Variants in CNBD1 observed in about 807,000 individuals in gnomAD.
CNBD1 encodes the protein cyclic nucleotide-binding domain-containing protein 1.
In CNBD1, 71 loss-of-function variants were observed where a neutral mutation model predicts 54.4. The ratio of observed to expected loss-of-function variants is 1.30; its 90% CI spans 1.08 to 1.59. The LOEUF is 1.59. Among genes scored for constraint, CNBD1 ranks in the 40% most tolerant of loss-of-function variants. CNBD1 has a pLI of 0.00. For missense variants in CNBD1, 659 were observed against 518.0 expected, an observed-to-expected ratio of 1.27 and a Z score of -2.64; for synonymous variants, 182 against 170.7, an observed-to-expected ratio of 1.07 and a Z score of -0.51.
chr8:86,908,639 C>A (rs1809053946), intron 3 of CNBD1, among the ~76,000 whole-genome samples: 1 of 151,998 alleles, frequency 6.6e-6, no homozygotes, highest in Admixed American at 6.5e-5. Flanking sequence ...TTTTTTCAAA[C>A]AGATTAAACA....
chr8:87,363,606 T>C (rs1185836597), intron 10 of CNBD1, among the ~76,000 whole-genome samples: 1 of 152,110 alleles, frequency 6.6e-6, no homozygotes, highest in African/African-American at 2.4e-5. Context: ...TAATGACCAG[T>C]GATGATGAGC....
At chr8:87,152,262 C>T (rs570329642) in intron 4 of CNBD1, among the ~76,000 whole-genome samples, 1 of 151,978 alleles carries the variant, frequency 6.6e-6, no homozygotes, top group South Asian at 2.1e-4. Context: ...AATAGTAGGG[C>T]TTTGCTAAAG....
chr8:86,882,139 T>C (rs1196439653), intron 1 of CNBD1, among the ~76,000 whole-genome samples: 1 of 152,118 alleles, frequency 6.6e-6, no homozygotes, highest in Non-Finnish European at 1.5e-5. Context: ...ATGATGAAGA[T>C]GCCAAAAGCA....
intron 3 of CNBD1, among the ~76,000 whole-genome samples, chr8:86,907,070 T>C (rs1006962146): frequency 2.0e-5 from 3 of 152,214 alleles, no homozygotes; most frequent in African/African-American, 7.2e-5. Flanking sequence ...ATGATGGCAT[T>C]GGGACTCAGT....
At chr8:87,317,750 T>C (rs1368051304) in intron 8 of CNBD1, among the ~76,000 whole-genome samples, 1 of 151,978 alleles carries the variant, frequency 6.6e-6, no homozygotes, top group African/African-American at 2.4e-5. Flanking sequence ...TTTTATCAAA[T>C]ATTGGGTGGA....
intron 8 of CNBD1, among the ~76,000 whole-genome samples, chr8:87,299,546 T>C (rs572522297): frequency 6.6e-6 from 1 of 152,328 alleles, no homozygotes; most frequent in African/African-American, 2.4e-5. Context: ...CAGTCCTGAA[T>C]TAGATCCAAA....
In CNBD1 at chr8:87,345,896, G is replaced by T. The variant is rs1015060629; in HGVS notation, c.1043-5789G>T. 1.3e-5 allele frequency among the ~76,000 whole-genome samples: 2 copies of T among 152,004 alleles called. 1 individual carries two copies. The highest frequency in any genetic ancestry group is 4.1e-4 in the South Asian group (2 of 4,828). ...GAGTATTTCTACCTTGCATAAAGAG[G>T]TGACTAATTAATTTCTAAATTTTGA... On this transcript the variant is annotated intron_variant, in intron 8 of 10. Coordinates refer to ENST00000518476, the MANE Select transcript of CNBD1 (RefSeq NM_173538.3).
intron 8 of CNBD1, among the ~76,000 whole-genome samples, chr8:87,331,475 G>T (rs748004762): frequency 1.3e-5 from 2 of 152,112 alleles, no homozygotes; most frequent in Admixed American, 1.3e-4. Flanking sequence ...ATGGGCATTT[G>T]GGTTGGTTCC....
At chr8:87,053,852 A>T (rs1387722329) in intron 4 of CNBD1, among the ~76,000 whole-genome samples, 1 of 152,236 alleles carries the variant, frequency 6.6e-6, no homozygotes, top group Non-Finnish European at 1.5e-5. Flanking sequence ...ATTTTGGCCC[A>T]GACTAAAGTA....
At chr8:87,354,009 C>A (rs1810364125) in intron 10 of CNBD1, 1 of 340,632 alleles carries the variant, frequency 2.9e-6, no homozygotes, top group Non-Finnish European at 5.4e-6. Flanking sequence ...TCATTTTCAT[C>A]ATATAGAAAG....
intron 5 of CNBD1, among the ~76,000 whole-genome samples, chr8:87,225,449 AG>A (rs1428757271): frequency 2.6e-4 from 39 of 151,802 alleles, no homozygotes; most frequent in South Asian, 1.5e-3. Flanking sequence ...TTTAGCATGA[AG>A]GGTTGTTGAA....
At chr8:87,142,680 A>T (rs1393173023) in intron 4 of CNBD1, among the ~76,000 whole-genome samples, 1 of 152,142 alleles carries the variant, frequency 6.6e-6, no homozygotes. Flanking sequence ...TACAGAATTA[A>T]TCAGTTTGTG....
intron 1 of CNBD1, 99 bp downstream of exon 1, chr8:86,866,682 G>T: frequency 1.2e-6 from 1 of 825,438 alleles, no homozygotes. Flanking sequence ...GGTTGATAGG[G>T]ACATTGGGAA....
At chr8:87,307,846 A>C (rs147362974) in intron 8 of CNBD1, among the ~76,000 whole-genome samples, 2,872 of 151,234 alleles carry the variant, frequency 0.019, 107 homozygotes, top group African/African-American at 0.066. Flanking sequence ...AGTCAAACTC[A>C]ATGAAGCAAG....
intron 1 of CNBD1, among the ~76,000 whole-genome samples, chr8:86,874,042 A>G (rs1808480572): frequency 6.6e-6 from 1 of 152,202 alleles, no homozygotes; most frequent in Non-Finnish European, 1.5e-5. Context: ...TGTCCTTTCT[A>G]GTAAAACAAT....
chr8:87,383,301 C>T (rs764678466), downstream of CNBD1, among the ~76,000 whole-genome samples: 8 of 151,816 alleles, frequency 5.3e-5, no homozygotes, highest in Non-Finnish European at 1.2e-4. Context: ...TTTATCTTTT[C>T]ATCAGACCCA....
chr8:87,265,156 C>A (rs1808224638), intron 6 of CNBD1, among the ~76,000 whole-genome samples: 1 of 152,046 alleles, frequency 6.6e-6, no homozygotes, highest in Non-Finnish European at 1.5e-5. Context: ...AGTCTTTAAT[C>A]CGTCTTGAAT....
At chr8:87,251,608 AAAG>A (rs1807919707) in intron 6 of CNBD1, among the ~76,000 whole-genome samples, 1 of 151,560 alleles carries the variant, frequency 6.6e-6, no homozygotes, top group Non-Finnish European at 1.5e-5. Flanking sequence ...AAAAAAAAAA[AAAG>A]AACAAAAATT....
Position 87,364,934 on chromosome 8 carries a change from G to T in CNBD1, c.1303+11148G>T, listed in dbSNP as rs7834965. ...TGATTCCATGTCTTTGCTATTATGA[G>T]CAGTGCTGCAGTGAACATCGCTGTG... On this transcript the variant is annotated intron_variant, in intron 10 of 10. Transcript: ENST00000518476. Among the ~76,000 whole-genome samples, 4 of 152,000 alleles carry T rather than the reference G, an allele frequency of 2.6e-5. No individual in the cohort carries two copies. The South Asian group carries it at 8.3e-4, about 31-fold the overall frequency.
Sources: allele counts gnomAD v4.1 joint callset (sites outside exome capture counted in the v4.1 genomes callset), GRCh38; gene constraint gnomAD v4.1.1; transcripts MANE v1.5; gene names NCBI Gene and HGNC (gene_info 2026-07-23, HGNC 2026-07-21).